Variants in ZYG11B observed in about 807,000 individuals in gnomAD.
The protein encoded by ZYG11B is protein zyg-11 homolog B.
Under a neutral mutation model 82.4 loss-of-function variants are expected in ZYG11B, and 36 were observed. That is an observed-to-expected ratio of 0.44 (90% CI 0.33 to 0.58). ZYG11B has a LOEUF of 0.58. ZYG11B is among the 20% of genes least tolerant of loss of function. The pLI is 0.02. For synonymous variants in ZYG11B, 303 were observed against 312.8 expected, an observed-to-expected ratio of 0.97 and a Z score of 0.33; for missense variants, 552 against 895.6, an observed-to-expected ratio of 0.62 and a Z score of 4.90.
intron 2 of ZYG11B, among the ~76,000 whole-genome samples, chr1:52,769,565 G>A (rs1233414592): frequency 1.3e-5 from 2 of 152,168 alleles, no homozygotes; most frequent in Non-Finnish European, 1.5e-5. Flanking sequence ...GGGCAGCACA[G>A]CTCTAAAATG....
chr1:52,794,833 C>T (rs1284317609), intron 6 of ZYG11B, among the ~76,000 whole-genome samples: 3 of 152,192 alleles, frequency 2.0e-5, no homozygotes, highest in Non-Finnish European at 4.4e-5. Flanking sequence ...ATCCAGAATT[C>T]ATCCATTTCT....
At chr1:52,798,497 G>A (rs1416242859) in intron 8 of ZYG11B, among the ~76,000 whole-genome samples, 1 of 151,732 alleles carries the variant, frequency 6.6e-6, no homozygotes, top group African/African-American at 2.4e-5. Flanking sequence ...TGTGGTCCCA[G>A]CTACGCAAGA....
At chr1:52,795,216 G>A (rs1233126176) in intron 6 of ZYG11B, among the ~76,000 whole-genome samples, 2 of 152,072 alleles carry the variant, frequency 1.3e-5, no homozygotes, top group Non-Finnish European at 2.9e-5. Context: ...GTTCTCCCGA[G>A]ATCTGGTCGT....
At chr1:52,729,250 C>T (rs1644310240) in intron 1 of ZYG11B, among the ~76,000 whole-genome samples, 1 of 152,124 alleles carries the variant, frequency 6.6e-6, no homozygotes. Flanking sequence ...GATCTAATCA[C>T]CTCCCAAAGG....
intron 10 of ZYG11B, among the ~76,000 whole-genome samples, chr1:52,803,223 TACACACATATATATATAC>T (rs1645105626): frequency 1.4e-5 from 1 of 71,964 alleles, no homozygotes; most frequent in African/African-American, 1.2e-4. Flanking sequence ...TATATATATA[TACACACATATATATATAC>T]ACACACACAT....
At chr1:52,799,786 C>A (rs989500181) in intron 8 of ZYG11B, among the ~76,000 whole-genome samples, 1 of 151,390 alleles carries the variant, frequency 6.6e-6, no homozygotes, top group African/African-American at 2.4e-5. Context: ...GAGAGTGAGA[C>A]TCCGTCTCAA....
intron 8 of ZYG11B, among the ~76,000 whole-genome samples, chr1:52,800,165 A>C (rs1288227959): frequency 6.6e-6 from 1 of 151,684 alleles, no homozygotes; most frequent in Non-Finnish European, 1.5e-5. Flanking sequence ...GGTCTCAGCT[A>C]CTCAGGAGGT....
chr1:52,782,028 A>G (rs1253828279), intron 4 of ZYG11B, among the ~76,000 whole-genome samples: 1 of 152,050 alleles, frequency 6.6e-6, no homozygotes, highest in East Asian at 1.9e-4. Context: ...AGAATGATTC[A>G]GAGATAAATG....
intron 4 of ZYG11B, among the ~76,000 whole-genome samples, chr1:52,783,889 C>CTTCT (rs1644884433): frequency 1.0e-5 from 1 of 98,558 alleles, no homozygotes; most frequent in South Asian, 3.0e-4. Flanking sequence ...TGTATATGTA[C>CTTCT]ATACACGTGT....
At chr1:52,775,922 C>T (rs1644801050) in intron 3 of ZYG11B, among the ~76,000 whole-genome samples, 1 of 151,412 alleles carries the variant, frequency 6.6e-6, no homozygotes, top group Admixed American at 6.6e-5. Flanking sequence ...CTGAATAAAA[C>T]ATAGAGGCAA....
At chr1:52,733,231 C>G (rs1558114506) in intron 1 of ZYG11B, among the ~76,000 whole-genome samples, 1 of 152,096 alleles carries the variant, frequency 6.6e-6, no homozygotes, top group Non-Finnish European at 1.5e-5. Context: ...ATTTGTATAT[C>G]AAACCTTTTA....
chr1:52,732,780 C>A (rs947714079), intron 1 of ZYG11B, among the ~76,000 whole-genome samples: 4 of 151,408 alleles, frequency 2.6e-5, no homozygotes, highest in Admixed American at 2.0e-4. Flanking sequence ...AAAAGGCCAC[C>A]CTGGCCAATG....
intron 10 of ZYG11B, among the ~76,000 whole-genome samples, chr1:52,808,448 C>T (rs1346713921): frequency 6.6e-6 from 1 of 152,138 alleles, no homozygotes; most frequent in Non-Finnish European, 1.5e-5. Context: ...CTTCATGTTT[C>T]CTATATTTGG....
intron 1 of ZYG11B, among the ~76,000 whole-genome samples, chr1:52,735,932 C>CA (rs1326781603): frequency 1.3e-5 from 2 of 151,932 alleles, no homozygotes; most frequent in East Asian, 1.9e-4. Flanking sequence ...GGAGAAAAAG[C>CA]AAAAAGCAGG....
intron 5 of ZYG11B, among the ~76,000 whole-genome samples, chr1:52,787,373 T>A (rs1644922283): frequency 6.6e-6 from 1 of 152,182 alleles, no homozygotes; most frequent in African/African-American, 2.4e-5. Flanking sequence ...GGAATATAAA[T>A]ACATGTTTTG....
At chr1:52,730,324 A>G (rs1644320041) in intron 1 of ZYG11B, among the ~76,000 whole-genome samples, 1 of 151,984 alleles carries the variant, frequency 6.6e-6, no homozygotes, top group Non-Finnish European at 1.5e-5. Context: ...TTATTTTATT[A>G]TGTATTTATT....
In ZYG11B at chr1:52,821,658, C is replaced by A; in HGVS notation, c.*29C>A. The A allele has an allele frequency of 6.4e-7, 1 of 1,571,356 alleles. No individual in the cohort carries two copies. The highest frequency in any genetic ancestry group is 8.7e-7 in the Non-Finnish European group (1 of 1,155,514). On this transcript the variant is annotated 3_prime_UTR_variant, in exon 14 of 14. Transcript: ENST00000294353. Reference sequence around the variant, plus strand: ...CCATAAGTATTGGATAGTTGAATCACAGGAATCCTTTTTGTGATTGGTCCA... The same window carrying A: ...CCATAAGTATTGGATAGTTGAATCAAAGGAATCCTTTTTGTGATTGGTCCA...
At position 52,729,640 on chromosome 1, in the gene ZYG11B, G is replaced by C. The variant is rs947207623; in HGVS notation, c.30+2957G>C. ...GATGTTTAAGATGTCAGGAGTTCGA[G>C]ACCAGCCTGGCCAACATGGCAAAGC... On this transcript the variant is annotated intron_variant, in intron 1 of 13. Coordinates refer to ENST00000294353, the MANE Select transcript of ZYG11B (RefSeq NM_024646.3). Among the ~76,000 whole-genome samples, 3 of 152,290 alleles carry C rather than the reference G, an allele frequency of 2.0e-5. No homozygotes were observed. The East Asian group carries it at 5.8e-4, about 29-fold the overall frequency.
At position 52,779,834 on chromosome 1, in the gene ZYG11B, A is replaced by G. The variant is rs1012673925; in HGVS notation, c.952-19A>G. 1 of 1,610,430 alleles carries G rather than the reference A, an allele frequency of 6.2e-7. No individual in the cohort carries two copies. Among genetic ancestry groups the G allele is most frequent in the African/African-American group, 1.3e-5 (1 of 74,666 alleles). On this transcript the variant is annotated intron_variant, in intron 3 of 13. Transcript: ENST00000294353. ...AGAAAGAGAGAGAATTCTAAAAGCT[A>G]ATCTGGTTATGTTCACAGGTGTCTG...
Sources: allele counts gnomAD v4.1 joint callset (sites outside exome capture counted in the v4.1 genomes callset), GRCh38; gene constraint gnomAD v4.1.1; transcripts MANE v1.5; gene names NCBI Gene and HGNC (gene_info 2026-07-23, HGNC 2026-07-21).